EHMT1: variants seen among roughly 807,000 people sequenced by gnomAD.
EHMT1 encodes histone-lysine N-methyltransferase EHMT1.
EHMT1 carries 15 observed loss-of-function variants against 147.2 expected under a neutral mutation model. That is an observed-to-expected ratio of 0.10 (90% CI 0.07 to 0.16). EHMT1 has a LOEUF of 0.16. Ranked by LOEUF, EHMT1 falls within the 10% of genes least tolerant of loss-of-function variation. The pLI is 1.00. For missense variants in EHMT1, 1,587 were observed against 1,772.4 expected, an observed-to-expected ratio of 0.90 and a Z score of 1.88; for synonymous variants, 795 against 709.6, an observed-to-expected ratio of 1.12 and a Z score of -1.91.
intron 6 of EHMT1, chr9:137,745,328 T>A (rs531526165): frequency 5.2e-6 from 2 of 383,508 alleles, no homozygotes; most frequent in Non-Finnish European, 9.2e-6. Flanking sequence ...TTAGCATGTT[T>A]TAGGGCAAAT....
chr9:137,690,901 A>G lies in EHMT1; in HGVS notation c.22-20066A>G, dbSNP rs1589272897. ...ATGAAGTTAAGGTGCTGGGTCATAC[A>G]GAGAGGACTCATTTAAACATGTTTT... On this transcript the variant is annotated intron_variant, in intron 1 of 26. Transcript: ENST00000460843. 2.0e-5 allele frequency among the ~76,000 whole-genome samples: 3 copies of G among 152,386 alleles called. No homozygotes were observed. In the South Asian group the frequency reaches 6.2e-4, roughly 32 times the overall value.
rs1285531262 is a variant in EHMT1, at chr9:137,619,017, C to G, written c.-12C>G. On this transcript the variant is annotated 5_prime_UTR_variant, in exon 1 of 27. Transcript: ENST00000460843. The stretch of plus-strand genomic sequence containing the variant: ...GCGCGGGAGGGGCGGGGCCACGCTG[C>G]GGGCCCGGGCCATGGCCGCCGCCGA... The G allele has an allele frequency of 8.2e-6, 8 of 971,578 alleles. No homozygotes were observed. The Admixed American group carries it at 2.5e-4, about 31-fold the overall frequency. The allele number at this position is 971,578 out of a possible 1,614,324, so 60.2% of individuals were successfully genotyped here. A position where few individuals can be genotyped will look rare whatever the true frequency, so the allele number is the denominator to read the frequency against.
chr9:137,643,597 C>G (rs1589093988), intron 1 of EHMT1, among the ~76,000 whole-genome samples: 1 of 151,804 alleles, frequency 6.6e-6, no homozygotes, highest in African/African-American at 2.4e-5. Context: ...ATCTGCCCAC[C>G]TTGGCCTCCC....
chr9:137,704,867 CCT>C (rs1291834864), intron 1 of EHMT1, among the ~76,000 whole-genome samples: 3 of 128,296 alleles, frequency 2.3e-5, no homozygotes, highest in Admixed American at 9.7e-5. Flanking sequence ...TTTCTTTGTT[CCT>C]CTCTTTCCCT....
At chr9:137,736,379 G>A (rs1362321863) in intron 4 of EHMT1, among the ~76,000 whole-genome samples, 1 of 152,180 alleles carries the variant, frequency 6.6e-6, no homozygotes, top group African/African-American at 2.4e-5. Flanking sequence ...TTAATAGTTG[G>A]AGACCTCAGT....
chr9:137,702,086 G>A (rs907656681), intron 1 of EHMT1, among the ~76,000 whole-genome samples: 6 of 151,850 alleles, frequency 4.0e-5, no homozygotes, highest in African/African-American at 9.7e-5. Context: ...GAGCCACTGC[G>A]CCCAGCCTAA....
Position 137,832,424 on chromosome 9 carries a change from C to G in EHMT1, c.3541-1925C>G, listed in dbSNP as rs559295803. Among the ~76,000 whole-genome samples, 3 of 151,394 alleles carry G rather than the reference C, an allele frequency of 2.0e-5. 1 individual carries two copies. The highest frequency in any genetic ancestry group is 2.1e-4 in the South Asian group (1 of 4,776). Reference sequence around the variant, plus strand: ...CCCCGCCTCCCACGTGGCCACTGCACTTTGCTCCCATCCTAGGATTGGCTG... The same window carrying G: ...CCCCGCCTCCCACGTGGCCACTGCAGTTTGCTCCCATCCTAGGATTGGCTG... On this transcript the variant is annotated intron_variant, in intron 25 of 26. Coordinates refer to ENST00000460843, the MANE Select transcript of EHMT1 (RefSeq NM_024757.5).
At chr9:137,620,656 G>A (rs980069568) in intron 1 of EHMT1, among the ~76,000 whole-genome samples, 5 of 152,154 alleles carry the variant, frequency 3.3e-5, no homozygotes, top group African/African-American at 7.2e-5. Flanking sequence ...GCCTCCCTAA[G>A]TGCTAGGATT....
chr9:137,717,292 C>T (rs1945426421), intron 3 of EHMT1, 110 bp downstream of exon 3: 3 of 1,388,598 alleles, frequency 2.2e-6, no homozygotes, highest in Middle Eastern at 2.4e-4. Context: ...CAGTGGTTAT[C>T]CGACAGGGCC....
intron 14 of EHMT1, among the ~76,000 whole-genome samples, chr9:137,781,536 G>C (rs1951557001): frequency 6.6e-6 from 1 of 152,216 alleles, no homozygotes; most frequent in Non-Finnish European, 1.5e-5. Context: ...CGCAGCAGCT[G>C]TGGTGTGGAC....
chr9:137,668,816 T>C (rs1940029218), intron 1 of EHMT1, among the ~76,000 whole-genome samples: 1 of 152,214 alleles, frequency 6.6e-6, no homozygotes, highest in South Asian at 2.1e-4. Flanking sequence ...TTTCATTTCT[T>C]CGGCTATCCC....
chr9:137,658,343 G>T (rs1362608885), intron 1 of EHMT1, among the ~76,000 whole-genome samples: 1 of 152,042 alleles, frequency 6.6e-6, no homozygotes, highest in Non-Finnish European at 1.5e-5. Flanking sequence ...TAGAGACGGG[G>T]TTTCACCATA....
At position 137,757,025 on chromosome 9, in the gene EHMT1, G is replaced by GCCC. The variant is rs1949428338; in HGVS notation, c.1370-855_1370-854insCCC. ...GTGACTAGTCCCTAGAAGCTTGGCT[G>GCCC]TGAAATGTGACCATCTGCCCTTGGC... is the stretch of plus-strand genomic sequence containing the variant. On this transcript the variant is annotated intron_variant, in intron 8 of 26. Transcript: ENST00000460843. 2.0e-5 allele frequency among the ~76,000 whole-genome samples: 3 copies of GCCC among 152,358 alleles called. No homozygotes were observed. The South Asian group carries it at 6.2e-4, about 32-fold the overall frequency.
chr9:137,699,170 A>T (rs1943634612), intron 1 of EHMT1, among the ~76,000 whole-genome samples: 1 of 152,248 alleles, frequency 6.6e-6, no homozygotes, highest in South Asian at 2.1e-4. Context: ...TGAGCTCTTC[A>T]CAAAAGTTTA....
chr9:137,700,671 C>T (rs1201507588), intron 1 of EHMT1, among the ~76,000 whole-genome samples: 1 of 152,172 alleles, frequency 6.6e-6, no homozygotes, highest in Non-Finnish European at 1.5e-5. Flanking sequence ...ACCCTCCCTA[C>T]CATAGCATTC....
chr9:137,754,780 G>T (rs1326252990), intron 8 of EHMT1, among the ~76,000 whole-genome samples: 1 of 152,214 alleles, frequency 6.6e-6, no homozygotes, highest in Non-Finnish European at 1.5e-5. Flanking sequence ...GCCTCCCAAA[G>T]TGCTGGGATT....
At chr9:137,686,454 A>G (rs1942442303) in intron 1 of EHMT1, among the ~76,000 whole-genome samples, 1 of 151,944 alleles carries the variant, frequency 6.6e-6, no homozygotes, top group South Asian at 2.1e-4. Flanking sequence ...CAGTGGTGCA[A>G]TCACAGCTCA....
intron 1 of EHMT1, among the ~76,000 whole-genome samples, chr9:137,678,936 G>A (rs1412153529): frequency 6.6e-6 from 1 of 151,978 alleles, no homozygotes; most frequent in Non-Finnish European, 1.5e-5. Flanking sequence ...CTGAGAATTT[G>A]TTTATTTATC....
intron 1 of EHMT1, among the ~76,000 whole-genome samples, chr9:137,659,278 C>T (rs1938812976): frequency 6.6e-6 from 1 of 151,854 alleles, no homozygotes; most frequent in South Asian, 2.1e-4. Context: ...ATGTCCTTTG[C>T]CCATTTTTTC....
Sources: allele counts gnomAD v4.1 joint callset (sites outside exome capture counted in the v4.1 genomes callset), GRCh38; gene constraint gnomAD v4.1.1; transcripts MANE v1.5; gene names NCBI Gene and HGNC (gene_info 2026-07-23, HGNC 2026-07-21).